WRN: variants seen among roughly 807,000 people sequenced by gnomAD.
WRN encodes WRN RecQ like helicase.
Under a neutral mutation model 180.7 loss-of-function variants are expected in WRN, and 149 were observed. The observed-to-expected ratio is 0.82, with a 90% CI of 0.72 to 0.94. WRN has a LOEUF of 0.94. WRN is among the 40% of genes least tolerant of loss of function. The pLI, the probability that WRN is intolerant of heterozygous loss-of-function variation, is 0.00. For synonymous variants in WRN, 548 were observed against 568.9 expected (o/e 0.96, Z 0.52); for missense variants, 1,661 against 1,700.1 (o/e 0.98, Z 0.40).
At chr8:31,078,095 A>G (rs1359859057) in intron 8 of WRN, among the ~76,000 whole-genome samples, 3 of 152,178 alleles carry the variant, frequency 2.0e-5, no homozygotes, top group Non-Finnish European at 4.4e-5. Context: ...GAGTAATGTT[A>G]TGTGCCTTGA....
chr8:31,106,691 C>T (rs1801110212), intron 18 of WRN, among the ~76,000 whole-genome samples: 1 of 152,204 alleles, frequency 6.6e-6, no homozygotes, highest in South Asian at 2.1e-4. Flanking sequence ...TCCCCCTCCC[C>T]CATCATTCAG....
At chr8:31,111,428 A>G (rs960922702) in intron 18 of WRN, among the ~76,000 whole-genome samples, 187 bp from the exon 19 acceptor site, 6 of 152,190 alleles carry the variant, frequency 3.9e-5, no homozygotes, top group Non-Finnish European at 2.9e-5. Context: ...AAAAGTAAAT[A>G]TTGTTTCCAG....
chr8:31,083,620 A>G (rs1813406858), intron 9 of WRN, 79 bp from the exon 10 acceptor site: 2 of 1,025,158 alleles, frequency 2.0e-6, no homozygotes, highest in East Asian at 2.6e-5. Flanking sequence ...GATATCTAGT[A>G]TATAGGAGCT....
At chr8:31,085,614 C>T (rs1055274145) in intron 11 of WRN, among the ~76,000 whole-genome samples, 18 of 151,978 alleles carry the variant, frequency 1.2e-4, no homozygotes, top group South Asian at 6.2e-4. Flanking sequence ...GGATTACAGG[C>T]GTGTGCCACC....
intron 18 of WRN, among the ~76,000 whole-genome samples, chr8:31,107,081 A>G (rs937283491): frequency 1.3e-5 from 2 of 152,244 alleles, no homozygotes; most frequent in Non-Finnish European, 2.9e-5. Context: ...TAGTTCAGTA[A>G]AGGAGTTTAG....
rs565495434 is a variant in WRN, at chr8:31,097,339, C to T, written c.1981+489C>T. ...TAAAAAAAATGTAGGTAACCAACAC[C>T]CAACTCTGAAAATTCTGATTTAACA... is the stretch of plus-strand genomic sequence containing the variant. On this transcript the variant is annotated intron_variant, in intron 17 of 34. Transcript: ENST00000298139. 8.1e-4 allele frequency among the ~76,000 whole-genome samples: 123 copies of T among 152,158 alleles called. 1 individual carries two copies. The highest frequency in any genetic ancestry group is 2.8e-3 in the African/African-American group (118 of 41,518).
At chr8:31,048,876 T>G (rs1811974291) in intron 1 of WRN, among the ~76,000 whole-genome samples, 1 of 152,130 alleles carries the variant, frequency 6.6e-6, no homozygotes, top group Admixed American at 6.5e-5. Context: ...TCTTGTAACT[T>G]ATCCTTGAAA....
rs796744821 is a variant in WRN, at chr8:31,141,473, T to C, written c.3011T>C (p.Phe1004Ser). Residue 1004 changes from phenylalanine to serine, a missense_variant, in exon 25 of 35, where the codon TTT becomes TCT. Physicochemically the swap from Phe to Ser is radical, Grantham distance 155 (BLOSUM62 -2). This residue lies in a region of WRN where 1,141 missense variants were observed against 1,149.4 expected (regional missense o/e 0.99). Transcript: ENST00000298139. Reference protein sequence around the residue: ...LADQYRRHSLFGTGKDQTESW... With the variant: ...LADQYRRHSLSGTGKDQTESW... The stretch of plus-strand genomic sequence containing the variant: ...GATCAATATCGCAGGCACAGTTTAT[T>C]TGGCACTGGCAAGGATCAAACAGAG... 1.9e-6 allele frequency: 3 copies of C among 1,614,178 alleles called. No individual in the cohort carries two copies. The highest frequency in any genetic ancestry group is 2.5e-6 in the Non-Finnish European group (3 of 1,180,030).
At chr8:31,102,161 G>C (rs943277551) in intron 18 of WRN, among the ~76,000 whole-genome samples, 1 of 152,160 alleles carries the variant, frequency 6.6e-6, no homozygotes, top group Non-Finnish European at 1.5e-5. Context: ...CTGCAGTCAG[G>C]ATGCCAAATG....
chr8:31,116,433 A>C lies in WRN; in HGVS notation c.2353A>C (p.Arg785=), dbSNP rs765938062. ...GACACAACAAGTTACAGGTGAACTT[A>C]GGAAACTGAATCTATCCTGTGGAAC... ...KMTQQVTGEL[R]KLNLSCGTYH... Residue 785 remains arginine, a synonymous_variant, in exon 20 of 35, where the codon AGG becomes CGG. Transcript: ENST00000298139. 6.2e-7 allele frequency: 1 copy of C among 1,614,088 alleles called. No homozygotes were observed. The highest frequency in any genetic ancestry group is 1.1e-5 in the South Asian group (1 of 91,082).
chr8:31,076,814 T>C (rs1307018643), intron 8 of WRN, among the ~76,000 whole-genome samples: 3 of 152,166 alleles, frequency 2.0e-5, no homozygotes, highest in African/African-American at 7.2e-5. Context: ...ATTTTAGAGA[T>C]TCTTTTATGG....
chr8:31,163,690 A>G (rs558243959), intron 33 of WRN, among the ~76,000 whole-genome samples: 1 of 152,178 alleles, frequency 6.6e-6, no homozygotes, highest in Non-Finnish European at 1.5e-5. Context: ...AAAATCAAGC[A>G]GAATATAATA....
At chr8:31,072,303 A>G (rs939891341) in intron 7 of WRN, among the ~76,000 whole-genome samples, 3 of 152,258 alleles carry the variant, frequency 2.0e-5, no homozygotes, top group Admixed American at 2.0e-4. Flanking sequence ...CAATGCGCCA[A>G]TCATTTGTAA....
intron 23 of WRN, among the ~76,000 whole-genome samples, chr8:31,127,263 G>T (rs1801962516): frequency 6.6e-6 from 1 of 152,136 alleles, no homozygotes; most frequent in African/African-American, 2.4e-5. Context: ...GATTGGGGGA[G>T]GGAGAAGGTA....
At chr8:31,151,141 C>T (rs932572129) in intron 31 of WRN, among the ~76,000 whole-genome samples, 3 of 152,204 alleles carry the variant, frequency 2.0e-5, no homozygotes, top group African/African-American at 4.8e-5. Context: ...TGAACCTGCA[C>T]ATGTCCTTTA....
intron 33 of WRN, among the ~76,000 whole-genome samples, chr8:31,163,369 CA>C (rs1239172114): frequency 6.6e-6 from 1 of 152,216 alleles, no homozygotes; most frequent in African/African-American, 2.4e-5. Context: ...AACTGGAAAT[CA>C]TTACACTTTC....
chr8:31,063,009 T>C (rs1041250753), intron 3 of WRN, among the ~76,000 whole-genome samples: 1 of 152,138 alleles, frequency 6.6e-6, no homozygotes, highest in Non-Finnish European at 1.5e-5. Flanking sequence ...TTTTTATTTA[T>C]AGTTTTTAAA....
At chr8:31,096,654 A>G in intron 16 of WRN, 114 bp from the exon 17 acceptor site, 2 of 835,206 alleles carry the variant, frequency 2.4e-6, no homozygotes, top group Non-Finnish European at 3.8e-6. Context: ...TTAAACTTTC[A>G]TAAGGTATCT....
chr8:31,104,009 C>T (rs111872988), intron 18 of WRN, among the ~76,000 whole-genome samples: 3,689 of 152,338 alleles, frequency 0.024, 137 homozygotes, highest in African/African-American at 0.085. Context: ...GCTGGGATTA[C>T]AGGCGTGAGC....
Sources: gnomAD v4.1 joint callset for allele counts (sites outside exome capture counted in the v4.1 genomes callset) on GRCh38, gnomAD v4.1.1 for gene constraint, gnomAD v4.1.1 regional missense constraint, MANE v1.5 for transcripts, NCBI Gene and HGNC (gene_info 2026-07-23, HGNC 2026-07-21) for gene names.